The following DYNC2H1 variants were observed in gnomAD, a reference collection of about 807,000 sequenced individuals.
DYNC2H1 encodes the protein cytoplasmic dynein 2 heavy chain 1.
In DYNC2H1, 410 loss-of-function variants were observed where a neutral mutation model predicts 570.0. That is an observed-to-expected ratio of 0.72 (90% confidence interval 0.66 to 0.78). The LOEUF is 0.78. DYNC2H1 is among the 30% of genes least tolerant of loss of function. The probability of loss-of-function intolerance (pLI) is 0.00; values close to 1 mark genes in which losing one functional copy is unlikely to be tolerated. For synonymous variants in DYNC2H1, 1,688 were observed against 1,677.6 expected, an observed-to-expected ratio of 1.01 and a Z score of -0.15; for missense variants, 4,865 against 5,046.4, an observed-to-expected ratio of 0.96 and a Z score of 1.09.
rs1036695460 is a variant in DYNC2H1 at position 103,121,489 on chromosome 11, A to C, written c.1478A>C (p.Glu493Ala). The C allele has an allele frequency of 3.7e-6, 6 of 1,611,488 alleles. No homozygotes were observed. In the African/African-American group the frequency reaches 8.0e-5, roughly 22 times the overall value. The change falls in exon 10 of 89, where the codon GAA becomes GCA. Residue 493 changes from glutamate to alanine, a missense_variant. Physicochemically the swap from Glu to Ala is moderately radical, Grantham distance 107. Coordinates refer to ENST00000375735, the MANE Select transcript of DYNC2H1 (RefSeq NM_001377.3). The part of the protein sequence containing the change: ...VNSIVWVRQL[E>A]LKVDDTIKIA... ...AGTATAGTTTGGGTTCGCCAGTTGG[A>C]ATTGAAGGTATTTATTTTAATAAAA... is the stretch of plus-strand genomic sequence containing the variant.
intron 85 of DYNC2H1, among the ~76,000 whole-genome samples, chr11:103,444,376 A>C (rs951185461): frequency 3.9e-5 from 6 of 152,064 alleles, no homozygotes; most frequent in Non-Finnish European, 8.8e-5. Context: ...AAATAAATCT[A>C]AATGTCATGC....
intron 75 of DYNC2H1, among the ~76,000 whole-genome samples, chr11:103,290,249 T>C (rs1353302491): frequency 6.6e-6 from 1 of 152,140 alleles, no homozygotes; most frequent in Admixed American, 6.5e-5. Context: ...TTTCACATAA[T>C]GCCTATCTTC....
chr11:103,400,642 ATAGGAATTAAGTTTTCTTTTTTT>A (rs1448770031), intron 84 of DYNC2H1, among the ~76,000 whole-genome samples: 3 of 149,340 alleles, frequency 2.0e-5, no homozygotes, highest in African/African-American at 7.5e-5. Flanking sequence ...GTGGAGTGCT[ATAGGAATTAAGTTTTCTTTTTTT>A]TTTTCACGCC....
chr11:103,119,054 A>G (rs1224582917), intron 6 of DYNC2H1, among the ~76,000 whole-genome samples: 2 of 152,118 alleles, frequency 1.3e-5, no homozygotes, highest in Non-Finnish European at 2.9e-5. Context: ...ACTTTTTGTT[A>G]CTTTGAAATA....
At chr11:103,283,658 A>G (rs1344090388) in intron 73 of DYNC2H1, among the ~76,000 whole-genome samples, 1 of 152,150 alleles carries the variant, frequency 6.6e-6, no homozygotes, top group Non-Finnish European at 1.5e-5. Flanking sequence ...TGAGGTAGCT[A>G]TTGTAATTTT....
At chr11:103,191,200 CA>C (rs1413643652) in intron 45 of DYNC2H1, among the ~76,000 whole-genome samples, 11 of 151,546 alleles carry the variant, frequency 7.3e-5, no homozygotes, top group Non-Finnish European at 1.5e-4. Flanking sequence ...CCACCATGCC[CA>C]GCCAATTTTT....
At chr11:103,313,107 A>G (rs1405314245) in intron 79 of DYNC2H1, among the ~76,000 whole-genome samples, 1 of 152,192 alleles carries the variant, frequency 6.6e-6, no homozygotes, top group East Asian at 1.9e-4. Context: ...GAGTTTGGTT[A>G]TTACTTTGCT....
intron 82 of DYNC2H1, among the ~76,000 whole-genome samples, chr11:103,357,150 T>C (rs934276213): frequency 1.3e-5 from 2 of 152,166 alleles, no homozygotes; most frequent in African/African-American, 2.4e-5. Context: ...ATATTTAGCA[T>C]AGTTAGTACT....
At chr11:103,318,088 T>C (rs1213507545) in intron 80 of DYNC2H1, among the ~76,000 whole-genome samples, 2 of 152,148 alleles carry the variant, frequency 1.3e-5, no homozygotes, top group African/African-American at 4.8e-5. Flanking sequence ...GATGGACAGC[T>C]AGGATGTGGC....
intron 14 of DYNC2H1, among the ~76,000 whole-genome samples, 170 bp from the exon 15 acceptor site, chr11:103,134,151 A>C (rs553309384): frequency 6.6e-6 from 1 of 152,342 alleles, no homozygotes; most frequent in Admixed American, 6.5e-5. Context: ...GGAATAGCAC[A>C]GAAGTGATGT....
intron 84 of DYNC2H1, among the ~76,000 whole-genome samples, chr11:103,411,686 A>T (rs1300424589): frequency 2.6e-5 from 4 of 152,044 alleles, no homozygotes; most frequent in African/African-American, 9.7e-5. Flanking sequence ...GGGGTCATAC[A>T]TTTTTAATTT....
Position 103,209,014 on chromosome 11 carries a change from G to A in DYNC2H1, c.8455-862G>A, listed in dbSNP as rs1863045683. The stretch of plus-strand genomic sequence containing the variant: ...TTAAAATATTCTCGTATAGGTTTAA[G>A]TGTTTTGTCAGAAATCAGTGAAGGC... On this transcript the variant is annotated intron_variant, in intron 52 of 88. Transcript: ENST00000375735. This position sits in a 1 kb window ranked among gnomAD's most constrained non-coding sequence, Gnocchi z 4.2. 1.3e-5 allele frequency among the ~76,000 whole-genome samples: 2 copies of A among 152,096 alleles called. No individual in the cohort carries two copies. Among genetic ancestry groups the A allele is most frequent in the African/African-American group, 4.8e-5 (2 of 41,416 alleles).
intron 61 of DYNC2H1, among the ~76,000 whole-genome samples, chr11:103,234,591 CT>C (rs201615673): frequency 2.9e-3 from 434 of 151,908 alleles, no homozygotes; most frequent in African/African-American, 9.9e-3. Flanking sequence ...GTTAAGCTTC[CT>C]TTCCTTTCCT....
At chr11:103,316,233 G>T (rs1339515518) in intron 79 of DYNC2H1, among the ~76,000 whole-genome samples, 1 of 151,668 alleles carries the variant, frequency 6.6e-6, no homozygotes, top group Non-Finnish European at 1.5e-5. Flanking sequence ...TAAAATTTTA[G>T]GAAATATCCC....
chr11:103,281,205 C>A (rs1330694137), intron 71 of DYNC2H1, among the ~76,000 whole-genome samples: 1 of 151,970 alleles, frequency 6.6e-6, no homozygotes, highest in Admixed American at 6.6e-5. Flanking sequence ...TTCATATGTT[C>A]TCCCTTTGTT....
intron 43 of DYNC2H1, 135 bp downstream of exon 43, chr11:103,187,721 C>A: frequency 9.0e-7 from 1 of 1,109,698 alleles, no homozygotes; most frequent in Non-Finnish European, 1.3e-6. Flanking sequence ...ACTCCTGAAA[C>A]ACTTCAGTCT....
chr11:103,184,679 T>C (rs1193048159), intron 40 of DYNC2H1, among the ~76,000 whole-genome samples: 1 of 151,948 alleles, frequency 6.6e-6, no homozygotes, highest in East Asian at 1.9e-4. Flanking sequence ...ACTGTAGCAC[T>C]GAAAGCTAGA....
At position 103,117,785 on chromosome 11, in the gene DYNC2H1, G is replaced by C. The variant is rs1288575754; in HGVS notation, c.921G>C (p.Gln307His). 1 of 1,613,338 alleles carries C rather than the reference G, an allele frequency of 6.2e-7. No individual in the cohort carries two copies. Among genetic ancestry groups the C allele is most frequent in the Non-Finnish European group, 8.5e-7 (1 of 1,179,452 alleles). Reference protein sequence around the residue: ...VCNHLTGQVWQRYVPHPWKNE... With the variant: ...VCNHLTGQVWHRYVPHPWKNE... ...ATCATCTAACAGGTCAGGTGTGGCA[G>C]CGCTATGTTCCTCATCCATGGAAAA... Residue 307 changes from glutamine (Q) to histidine (H), a missense_variant, in exon 6 of 89, where the codon CAG (glutamine) becomes CAC (histidine). By Grantham distance (24) the Gln-to-His change is conservative (BLOSUM62 0). This residue lies in a region of DYNC2H1 where 1,936 missense variants were observed against 1,962.1 expected (regional missense o/e 0.99). Coordinates refer to ENST00000375735, the MANE Select transcript of DYNC2H1 (RefSeq NM_001377.3).
chr11:103,239,884 G>A lies in DYNC2H1; in HGVS notation c.9819+3345G>A, dbSNP rs1345431891. On this transcript the variant is annotated intron_variant, in intron 63 of 88. Transcript: ENST00000375735. This position sits in a 1 kb window ranked among gnomAD's most constrained non-coding sequence, Gnocchi z 4.3. ...CCAATCTTTTTTTCCCCCAAGGAGA[G>A]AAGAATTTAAATAGAGATTATGTAT... 6.6e-6 allele frequency among the ~76,000 whole-genome samples: 1 copy of A among 151,988 alleles called. No individual in the cohort carries two copies. The highest frequency in any genetic ancestry group is 1.5e-5 in the Non-Finnish European group (1 of 68,000).
Sources: gnomAD v4.1 joint callset for allele counts (sites outside exome capture counted in the v4.1 genomes callset) on GRCh38, gnomAD v4.1.1 for gene constraint, gnomAD v4.1.1 regional missense constraint, Gnocchi (gnomAD v3.1) non-coding constraint, MANE v1.5 for transcripts, NCBI Gene and HGNC (gene_info 2026-07-23, HGNC 2026-07-21) for gene names.